The following MMP26 variants were observed in gnomAD, a reference collection of about 807,000 sequenced individuals.
The protein encoded by MMP26 is matrix metalloproteinase-26.
A neutral mutation model predicts 31.0 loss-of-function variants in MMP26; 33 were observed. The observed-to-expected ratio is 1.06, with a 90% CI of 0.81 to 1.42. The LOEUF is 1.42. Among genes scored for constraint, MMP26 ranks in the 40% most tolerant of loss-of-function variants. The probability of loss-of-function intolerance (pLI) is 0.00; values close to 1 mark genes in which losing one functional copy is unlikely to be tolerated. For synonymous variants in MMP26, 122 were observed against 114.9 expected (o/e 1.06, Z -0.40); for missense variants, 347 against 316.1 (o/e 1.10, Z -0.74).
At chr11:4,945,822 C>T (rs920148641) in intron 2 of MMP26, 2 of 298,708 alleles carry the variant, frequency 6.7e-6, no homozygotes, top group African/African-American at 2.2e-5. Flanking sequence ...ATTAAAAGAA[C>T]TTGGTATAAG....
chr11:4,848,320 T>C (rs1408963886), intron 2 of MMP26: 8 of 1,614,018 alleles, frequency 5.0e-6, no homozygotes, highest in Non-Finnish European at 6.8e-6. Flanking sequence ...CTATAGAGAA[T>C]AGGGTTTATC....
At chr11:4,966,730 G>T (rs1320932851) in intron 2 of MMP26, among the ~76,000 whole-genome samples, 1 of 152,180 alleles carries the variant, frequency 6.6e-6, no homozygotes, top group East Asian at 1.9e-4. Flanking sequence ...CTGTTACGAT[G>T]TTAGTCCATT....
At chr11:4,801,898 C>A (rs1849188979) in intron 2 of MMP26, among the ~76,000 whole-genome samples, 3 of 151,970 alleles carry the variant, frequency 2.0e-5, no homozygotes, top group Admixed American at 1.3e-4. Flanking sequence ...TCACTCATCA[C>A]CAAGGAGATA....
intron 2 of MMP26, chr11:4,881,957 C>T (rs757705834): frequency 6.2e-7 from 1 of 1,613,882 alleles, no homozygotes; most frequent in Non-Finnish European, 8.5e-7. Flanking sequence ...CACTGCATTC[C>T]CTGGGCTGGA....
At chr11:4,918,675 A>T (rs1851135243) in intron 2 of MMP26, among the ~76,000 whole-genome samples, 1 of 152,178 alleles carries the variant, frequency 6.6e-6, no homozygotes, top group South Asian at 2.1e-4. Flanking sequence ...TCCAGGATAC[A>T]GTGGGTTCAG....
At chr11:4,941,058 A>G (rs4910531) in intron 2 of MMP26, among the ~76,000 whole-genome samples, 33,629 of 94,074 alleles carry the variant, frequency 0.36, 3,914 homozygotes, top group South Asian at 0.5. Flanking sequence ...TTAAATAAAG[A>G]ATGATTTTTT....
At chr11:4,913,470 A>G (rs1482484833) in intron 2 of MMP26, 4 of 152,208 alleles carry the variant, frequency 2.6e-5, no homozygotes, top group Non-Finnish European at 4.4e-5. Flanking sequence ...TATCACATTC[A>G]AGCTTGCTTT....
intron 2 of MMP26, 64 bp downstream of exon 2, chr11:4,767,405 G>T (rs1048029377): frequency 7.2e-5 from 11 of 151,936 alleles, no homozygotes; most frequent in African/African-American, 2.7e-4. Context: ...ATGACTTTTT[G>T]TTCATGTTGA....
intron 2 of MMP26, among the ~76,000 whole-genome samples, chr11:4,839,012 C>T (rs909040459): frequency 1.3e-5 from 2 of 152,104 alleles, no homozygotes; most frequent in African/African-American, 2.4e-5. Flanking sequence ...AGCAGACACA[C>T]TGGTGTCAGA....
At chr11:4,895,375 G>A (rs1388384558) in intron 2 of MMP26, among the ~76,000 whole-genome samples, 1 of 152,150 alleles carries the variant, frequency 6.6e-6, no homozygotes, top group Non-Finnish European at 1.5e-5. Context: ...CCCCACCTCT[G>A]ATTCCAGTCT....
chr11:4,979,212 C>T (rs530238938), intron 2 of MMP26, among the ~76,000 whole-genome samples: 3 of 152,206 alleles, frequency 2.0e-5, no homozygotes, highest in South Asian at 4.1e-4. Context: ...GATGGATAAC[C>T]ATGAAGCTGA....
rs192564527 is a variant in MMP26, at chr11:4,953,466, T to C, written c.-144-34602T>C. 1.2e-4 allele frequency among the ~76,000 whole-genome samples: 14 copies of C among 116,934 alleles called. 2 individuals are homozygous for C. Among genetic ancestry groups the C allele is most frequent in the African/African-American group, 3.7e-4 (13 of 35,144 alleles). The allele number at this position is 116,934 out of a possible 152,430, so 76.7% of individuals were successfully genotyped here. ...TGCAAATATTAAGTATAATAAAGAA[T>C]AAAGAATAAACAAGTAATAAAAGAG... On this transcript the variant is annotated intron_variant, in intron 2 of 7. Coordinates refer to ENST00000380390, the MANE Select transcript of MMP26 (RefSeq NM_021801.5).
At chr11:4,821,670 C>A (rs766268146) in intron 2 of MMP26, 11 of 1,613,928 alleles carry the variant, frequency 6.8e-6, no homozygotes, top group African/African-American at 4.0e-5. Flanking sequence ...TTTCTACTAC[C>A]CTTGGTGTCT....
At chr11:4,952,753 G>C (rs1404700966) in intron 2 of MMP26, among the ~76,000 whole-genome samples, 1 of 124,600 alleles carries the variant, frequency 8.0e-6, no homozygotes, top group African/African-American at 2.7e-5. Context: ...ATAAAAAGCT[G>C]GGTCATTGTG....
At chr11:4,934,625 G>C (rs1408831420) in intron 2 of MMP26, among the ~76,000 whole-genome samples, 14 of 143,992 alleles carry the variant, frequency 9.7e-5, no homozygotes, top group East Asian at 8.0e-4. Flanking sequence ...ATTGCTTTTG[G>C]TGTTTTGGAC....
At chr11:4,709,877 G>A (rs1847835951) in intron 1 of MMP26, 1 of 456,962 alleles carries the variant, frequency 2.2e-6, no homozygotes, top group Middle Eastern at 3.2e-4. Flanking sequence ...TTGGCCAAAT[G>A]TTCTTTATCC....
chr11:4,773,343 G>T (rs1321688286), intron 2 of MMP26, among the ~76,000 whole-genome samples: 1 of 152,208 alleles, frequency 6.6e-6, no homozygotes, highest in Non-Finnish European at 1.5e-5. Context: ...TGTGGCAAAA[G>T]ACTAAGAGTG....
intron 2 of MMP26, among the ~76,000 whole-genome samples, chr11:4,872,880 G>C (rs1850329895): frequency 6.6e-6 from 1 of 151,990 alleles, no homozygotes; most frequent in Middle Eastern, 3.2e-3. Context: ...TATTTAGATA[G>C]ACAGAATTAA....
intron 2 of MMP26, among the ~76,000 whole-genome samples, chr11:4,956,295 C>T (rs1846441905): frequency 6.6e-6 from 1 of 152,174 alleles, no homozygotes; most frequent in Non-Finnish European, 1.5e-5. Flanking sequence ...TCACTTTTAC[C>T]TAACCAGTGG....
Sources: gnomAD v4.1 joint callset for allele counts (sites outside exome capture counted in the v4.1 genomes callset) on GRCh38, gnomAD v4.1.1 for gene constraint, MANE v1.5 for transcripts, NCBI Gene and HGNC (gene_info 2026-07-23, HGNC 2026-07-21) for gene names.